Variants in FAM13A observed in about 807,000 individuals in gnomAD.
FAM13A encodes the protein protein FAM13A.
In FAM13A, 76 loss-of-function variants were observed where a neutral mutation model predicts 129.6. The ratio of observed to expected loss-of-function variants is 0.59; its 90% confidence interval spans 0.49 to 0.71. The LOEUF is 0.71. Among genes scored for constraint, FAM13A ranks in the 30% least tolerant of loss-of-function variants. The probability of loss-of-function intolerance (pLI) is 0.00; values close to 1 mark genes in which losing one functional copy is unlikely to be tolerated. For synonymous variants in FAM13A, 443 were observed against 449.9 expected (o/e 0.98, Z 0.20); for missense variants, 1,108 against 1,249.3 (o/e 0.89, Z 1.70).
At chr4:88,779,721 T>C (rs2149606570) in intron 11 of FAM13A, among the ~76,000 whole-genome samples, 1 of 152,332 alleles carries the variant, frequency 6.6e-6, no homozygotes, top group South Asian at 2.1e-4. Flanking sequence ...ACAGACTATG[T>C]CCATAGTTTT....
At chr4:88,852,913 AC>A (rs1737858825) in intron 6 of FAM13A, among the ~76,000 whole-genome samples, 1 of 152,200 alleles carries the variant, frequency 6.6e-6, no homozygotes, top group Non-Finnish European at 1.5e-5. Flanking sequence ...TATAATTATG[AC>A]TTGTCAACTA....
intron 7 of FAM13A, among the ~76,000 whole-genome samples, chr4:88,813,675 G>C (rs570137982): frequency 6.6e-6 from 1 of 152,156 alleles, no homozygotes; most frequent in Non-Finnish European, 1.5e-5. Flanking sequence ...TGTGCAGAAG[G>C]CATGCAAATT....
Position 88,911,707 on chromosome 4 carries a change from C to A in FAM13A, c.760-5245G>T, listed in dbSNP as rs76097421. ...ATCTCCCCAAAGGCTGCTCCTTCAA[C>A]GGTCTCCTGTCACTCCCTTCCCCAC... On this transcript the variant is annotated intron_variant, in intron 5 of 23. Coordinates refer to ENST00000264344, the MANE Select transcript of FAM13A (RefSeq NM_014883.4). Among the ~76,000 whole-genome samples the A allele has an allele frequency of 3.3e-5, 5 of 152,344 alleles. No individual in the cohort carries two copies. The East Asian group carries it at 9.6e-4, about 29-fold the overall frequency.
At chr4:89,040,085 T>G (rs1769914287) in intron 1 of FAM13A, among the ~76,000 whole-genome samples, 1 of 152,202 alleles carries the variant, frequency 6.6e-6, no homozygotes, top group African/African-American at 2.4e-5. Flanking sequence ...CATAACATCA[T>G]GTAAGAACTA....
intron 6 of FAM13A, among the ~76,000 whole-genome samples, chr4:88,859,806 C>A (rs1318339565): frequency 6.6e-6 from 1 of 152,084 alleles, no homozygotes; most frequent in East Asian, 1.9e-4. Context: ...AGGTAGCAGA[C>A]ACTATTAGCT....
At chr4:88,749,078 G>A in intron 16 of FAM13A, 45 bp from the exon 17 acceptor site, 1 of 1,373,386 alleles carries the variant, frequency 7.3e-7, no homozygotes, top group Non-Finnish European at 1.0e-6. Flanking sequence ...ACTGGAGCAG[G>A]GAAAGTAAGA....
chr4:88,965,261 T>C (rs1301631757), intron 4 of FAM13A, among the ~76,000 whole-genome samples: 1 of 152,220 alleles, frequency 6.6e-6, no homozygotes. Context: ...TGATTACTCA[T>C]GAACTATATA....
At chr4:88,739,230 T>C (rs1244606508) in intron 19 of FAM13A, 105 bp from the exon 20 acceptor site, 1 of 752,990 alleles carries the variant, frequency 1.3e-6, no homozygotes. Context: ...CTCCAGATGA[T>C]GCAACTTAAG....
At chr4:88,870,172 T>C (rs1261043739) in intron 6 of FAM13A, among the ~76,000 whole-genome samples, 1 of 151,076 alleles carries the variant, frequency 6.6e-6, no homozygotes, top group East Asian at 1.9e-4. Context: ...GAAAACAAGA[T>C]GGCTGAATAG....
intron 3 of FAM13A, among the ~76,000 whole-genome samples, chr4:89,018,288 C>T (rs202210140): frequency 1.3e-5 from 2 of 152,136 alleles, no homozygotes; most frequent in African/African-American, 2.4e-5. Flanking sequence ...GGAGAGTGCA[C>T]ACAGAGAAAA....
intron 3 of FAM13A, among the ~76,000 whole-genome samples, chr4:89,015,642 C>A (rs563872469): frequency 6.6e-6 from 1 of 152,268 alleles, no homozygotes; most frequent in African/African-American, 2.4e-5. Flanking sequence ...AAATTATCAA[C>A]AACATTAAGT....
intron 8 of FAM13A, among the ~76,000 whole-genome samples, chr4:88,797,625 C>G (rs1009380883): frequency 6.6e-6 from 1 of 152,098 alleles, no homozygotes; most frequent in Non-Finnish European, 1.5e-5. Flanking sequence ...TCTCCAGTTT[C>G]TCTTTTATCA....
chr4:88,917,578 T>G (rs1379640117), intron 5 of FAM13A, among the ~76,000 whole-genome samples: 1 of 152,182 alleles, frequency 6.6e-6, no homozygotes, highest in Non-Finnish European at 1.5e-5. Context: ...TCCAATACCT[T>G]TCAACCCACC....
intron 4 of FAM13A, among the ~76,000 whole-genome samples, chr4:88,953,442 G>C (rs931301288): frequency 6.6e-6 from 1 of 152,116 alleles, no homozygotes; most frequent in African/African-American, 2.4e-5. Flanking sequence ...GTGACAGAGC[G>C]AGACTCTATC....
At chr4:88,915,237 A>G (rs775067027) in intron 5 of FAM13A, among the ~76,000 whole-genome samples, 2 of 152,224 alleles carry the variant, frequency 1.3e-5, no homozygotes, top group Non-Finnish European at 2.9e-5. Context: ...TCTATATCTC[A>G]AAATGAATCT....
intron 19 of FAM13A, among the ~76,000 whole-genome samples, chr4:88,743,824 A>C (rs558352043): frequency 6.6e-6 from 1 of 152,356 alleles, no homozygotes; most frequent in South Asian, 2.1e-4. Context: ...TAGAAACACA[A>C]CTTTGTGAGA....
At chr4:88,754,276 A>G (rs1010726073) in intron 14 of FAM13A, among the ~76,000 whole-genome samples, 1 of 152,226 alleles carries the variant, frequency 6.6e-6, no homozygotes, top group African/African-American at 2.4e-5. Context: ...GAAGTAATAA[A>G]AAAAGACTAG....
At chr4:88,788,608 T>C (rs1026467092) in intron 9 of FAM13A, among the ~76,000 whole-genome samples, 5 of 152,142 alleles carry the variant, frequency 3.3e-5, no homozygotes, top group Non-Finnish European at 7.4e-5. Context: ...GGAAAACACA[T>C]AAGCACAAAG....
chr4:89,016,915 T>C (rs1156914179), intron 3 of FAM13A, among the ~76,000 whole-genome samples: 3 of 152,196 alleles, frequency 2.0e-5, no homozygotes, highest in Non-Finnish European at 4.4e-5. Flanking sequence ...GTTACAGGCA[T>C]AAGCCACAGG....
Sources: allele counts gnomAD v4.1 joint callset (sites outside exome capture counted in the v4.1 genomes callset), GRCh38; gene constraint gnomAD v4.1.1; transcripts MANE v1.5; gene names NCBI Gene and HGNC (gene_info 2026-07-23, HGNC 2026-07-21).